The following PARVA variants were observed in gnomAD, a reference collection of about 807,000 sequenced individuals.
The protein encoded by PARVA is alpha-parvin.
In PARVA, 25 loss-of-function variants were observed where a neutral mutation model predicts 52.6. The observed-to-expected ratio is 0.48, with a 90% CI of 0.35 to 0.66. The LOEUF (loss-of-function observed/expected upper bound fraction) is 0.66, where lower values mean the gene tolerates loss of function less well. PARVA is among the 30% of genes least tolerant of loss of function. PARVA has a pLI of 0.01. For missense variants in PARVA, 373 were observed against 450.9 expected (o/e 0.83, Z 1.56); for synonymous variants, 185 against 179.1 (o/e 1.03, Z -0.26).
chr11:12,489,207 A>G (rs1175958122), intron 4 of PARVA, among the ~76,000 whole-genome samples: 4 of 152,070 alleles, frequency 2.6e-5, no homozygotes, highest in African/African-American at 4.8e-5. Context: ...GTTATAGAAT[A>G]TAAAATGAGT....
intron 4 of PARVA, chr11:12,479,666 T>A (rs1466262371): frequency 6.6e-6 from 1 of 152,228 alleles, no homozygotes; most frequent in African/African-American, 2.4e-5. Flanking sequence ...CACACACAAA[T>A]GTTTCTCTCT....
chr11:12,452,157 A>C (rs766126141), intron 1 of PARVA, among the ~76,000 whole-genome samples: 19 of 152,046 alleles, frequency 1.2e-4, no homozygotes, highest in Non-Finnish European at 2.4e-4. Context: ...CCTTATATGC[A>C]AGCGGAAACA....
At chr11:12,409,802 T>C (rs2134973435) in intron 1 of PARVA, among the ~76,000 whole-genome samples, 1 of 152,360 alleles carries the variant, frequency 6.6e-6, no homozygotes, top group East Asian at 1.9e-4. Flanking sequence ...CATTTACTAA[T>C]TTGTTAGAGC....
intron 1 of PARVA, among the ~76,000 whole-genome samples, chr11:12,441,921 C>CA (rs965889895): frequency 1.2e-4 from 19 of 152,308 alleles, no homozygotes; most frequent in Admixed American, 1.0e-3. Context: ...AGTTGAGTGT[C>CA]AAAAAATAGC....
At chr11:12,429,699 C>T (rs536959772) in intron 1 of PARVA, among the ~76,000 whole-genome samples, 10 of 152,120 alleles carry the variant, frequency 6.6e-5, no homozygotes, top group Non-Finnish European at 1.3e-4. Context: ...AACTATTTTT[C>T]ATCTTTGTAT....
intron 8 of PARVA, chr11:12,513,082 C>T: frequency 1.5e-6 from 1 of 683,522 alleles, no homozygotes; most frequent in East Asian, 2.8e-5. Flanking sequence ...ATAATGTACA[C>T]ATGCACGGAC....
intron 1 of PARVA, among the ~76,000 whole-genome samples, chr11:12,384,565 G>C (rs1939543702): frequency 6.6e-6 from 1 of 152,220 alleles, no homozygotes; most frequent in South Asian, 2.1e-4. Flanking sequence ...GTTGTGGTCT[G>C]AGGATGGTTG....
intron 3 of PARVA, among the ~76,000 whole-genome samples, chr11:12,476,032 C>T (rs986626199): frequency 1.3e-5 from 2 of 152,202 alleles, no homozygotes; most frequent in African/African-American, 2.4e-5. Flanking sequence ...TTGCTCCTAT[C>T]AGAGGGCGCT....
chr11:12,499,366 C>T (rs186671487), intron 5 of PARVA, among the ~76,000 whole-genome samples: 34 of 151,846 alleles, frequency 2.2e-4, no homozygotes, highest in African/African-American at 8.2e-4. Context: ...CCTCTCCGCT[C>T]AGGATGAGGG....
chr11:12,407,708 G>C (rs1939933501), intron 1 of PARVA, among the ~76,000 whole-genome samples: 1 of 152,182 alleles, frequency 6.6e-6, no homozygotes, highest in Admixed American at 6.5e-5. Flanking sequence ...CTAAGGCCTG[G>C]AAGTATTAGG....
intron 7 of PARVA, among the ~76,000 whole-genome samples, chr11:12,510,152 C>CA (rs1314667983): frequency 6.6e-6 from 1 of 152,102 alleles, no homozygotes; most frequent in African/African-American, 2.4e-5. Context: ...CACATGAAGC[C>CA]ATGATTACAC....
chr11:12,393,044 G>GAAAAAAAAAAAAAAAAAAAAAAAA (rs60966710), intron 1 of PARVA, among the ~76,000 whole-genome samples: 15 of 46,146 alleles, frequency 3.3e-4, no homozygotes, highest in East Asian at 1.2e-3. Flanking sequence ...CCCAAATTGT[G>GAAAAAAAAAAAAAAAAAAAAAAAA]AAAAAAAAAA....
In PARVA at chr11:12,462,771, C is replaced by G. The variant is rs756347609; in HGVS notation, c.137-10974C>G. Among the ~76,000 whole-genome samples, 40 of 152,124 alleles carry G rather than the reference C, an allele frequency of 2.6e-4. 1 individual carries two copies. Among genetic ancestry groups the G allele is most frequent in the Non-Finnish European group, 4.9e-4 (33 of 68,012 alleles). ...ACACTTGTACTAGTGAGACAGACCC[C>G]TTTTTAATAAAGTAGAAATGACCCT... On this transcript the variant is annotated intron_variant, in intron 1 of 12. Transcript: ENST00000334956.
chr11:12,496,357 T>C, intron 4 of PARVA, 101 bp from the exon 5 acceptor site: 1 of 1,224,768 alleles, frequency 8.2e-7, no homozygotes, highest in Non-Finnish European at 1.1e-6. Flanking sequence ...AGTGCATGCA[T>C]GCATGAGTGC....
At chr11:12,483,498 CAGTGCAAGGT>C (rs1941115327) in intron 4 of PARVA, among the ~76,000 whole-genome samples, 2 of 152,172 alleles carry the variant, frequency 1.3e-5, no homozygotes, top group African/African-American at 2.4e-5. Flanking sequence ...TCACCCTTCC[CAGTGCAAGGT>C]AGCAAGGGCA....
intron 3 of PARVA, among the ~76,000 whole-genome samples, chr11:12,474,382 A>G (rs542537695): frequency 6.6e-6 from 1 of 152,200 alleles, no homozygotes; most frequent in Admixed American, 6.5e-5. Context: ...TATGGTCATA[A>G]ACAAGGAGCT....
chr11:12,428,111 T>G (rs1940263283), intron 1 of PARVA, among the ~76,000 whole-genome samples: 1 of 152,176 alleles, frequency 6.6e-6, no homozygotes, highest in Non-Finnish European at 1.5e-5. Context: ...CCATTTTAAA[T>G]GGTGCCATGT....
chr11:12,385,880 G>C (rs1457273655), intron 1 of PARVA, among the ~76,000 whole-genome samples: 1 of 152,174 alleles, frequency 6.6e-6, no homozygotes, highest in Non-Finnish European at 1.5e-5. Flanking sequence ...GCCTGCACAT[G>C]ACCCAAGGGC....
chr11:12,496,634 A>G (rs1216474637), intron 5 of PARVA, 36 bp downstream of exon 5: 1 of 1,596,760 alleles, frequency 6.3e-7, no homozygotes, highest in African/African-American at 1.3e-5. Flanking sequence ...CCATTAAACA[A>G]TGCCTGTGGT....
Sources: gnomAD v4.1 joint callset for allele counts (sites outside exome capture counted in the v4.1 genomes callset) on GRCh38, gnomAD v4.1.1 for gene constraint, MANE v1.5 for transcripts, NCBI Gene and HGNC (gene_info 2026-07-23, HGNC 2026-07-21) for gene names.